Variants in ARHGEF2 observed in about 807,000 individuals in gnomAD.
The protein encoded by ARHGEF2 is rho guanine nucleotide exchange factor 2.
Under a neutral mutation model 121.0 loss-of-function variants are expected in ARHGEF2, and 22 were observed. That is an observed-to-expected ratio of 0.18 (90% CI 0.13 to 0.26). ARHGEF2 has a LOEUF of 0.26. Ranked by LOEUF, ARHGEF2 falls within the 10% of genes least tolerant of loss-of-function variation. The pLI, the probability that ARHGEF2 is intolerant of heterozygous loss-of-function variation, is 1.00. For synonymous variants in ARHGEF2, 487 were observed against 530.0 expected, an observed-to-expected ratio of 0.92 and a Z score of 1.11; for missense variants, 907 against 1,336.0, an observed-to-expected ratio of 0.68 and a Z score of 5.01.
chr1:155,950,799 A>G lies in ARHGEF2; in HGVS notation c.2703+30T>C, dbSNP rs770106319. 1 of 1,512,352 alleles carries G rather than the reference A, an allele frequency of 6.6e-7. No homozygotes were observed. Among genetic ancestry groups the G allele is most frequent in the Admixed American group, 2.3e-5 (1 of 44,220 alleles). The allele number at this position is 1,512,352 out of a possible 1,614,324, so 93.7% of individuals were successfully genotyped here. A position where few individuals can be genotyped will look rare whatever the true frequency, so the allele number is the denominator to read the frequency against. On this transcript the variant is annotated intron_variant, in intron 20 of 21. Coordinates refer to ENST00000361247, the MANE Select transcript of ARHGEF2 (RefSeq NM_001162383.2). This position sits in a 1 kb window ranked among gnomAD's most constrained non-coding sequence, Gnocchi z 5.2. ...CTCCATGGACCCTTATGTCCACCCCAGGTCCATTCACCACTGCAGGCCACC... is the reference window on the plus strand; with the variant it reads ...CTCCATGGACCCTTATGTCCACCCCGGGTCCATTCACCACTGCAGGCCACC...
rs1678253000 is a variant in ARHGEF2, at chr1:155,962,864, C to A, written c.975+69G>T. On this transcript the variant is annotated intron_variant, in intron 8 of 21. Coordinates refer to ENST00000361247, the MANE Select transcript of ARHGEF2 (RefSeq NM_001162383.2). This position sits in a 1 kb window ranked among gnomAD's most constrained non-coding sequence, Gnocchi z 5.8. The stretch of plus-strand genomic sequence containing the variant: ...TCCCCTCCAACCCCTAGAATTTGGA[C>A]CCAAGAAATGCCCAACCCAGTCACA... 26 of 1,605,056 alleles carry A rather than the reference C, an allele frequency of 1.6e-5. No homozygotes were observed. The highest frequency in any genetic ancestry group is 2.7e-5 in the African/African-American group (2 of 74,736).
At position 155,951,946 on chromosome 1, in the gene ARHGEF2, G is replaced by A; in HGVS notation, c.2145C>T (p.Cys715=). 2 of 1,614,028 alleles carry A rather than the reference G, an allele frequency of 1.2e-6. No homozygotes were observed. Among genetic ancestry groups the A allele is most frequent in the East Asian group, 2.2e-5 (1 of 44,876 alleles). ...TCTGGCTAGAGTCTGAGTCAGCTCTGCAGAGTTCAATGGAGCCATTGAAGG... is the reference window on the plus strand; with the variant it reads ...TCTGGCTAGAGTCTGAGTCAGCTCTACAGAGTTCAATGGAGCCATTGAAGG... ...ARTFNGSIEL[C]RADSDSSQRD... Residue 715 remains cysteine, a synonymous_variant, in exon 17 of 22, where the codon TGC becomes TGT. Transcript: ENST00000361247. The surrounding 1 kb of genome is among the most constrained non-coding windows in gnomAD (Gnocchi z 5.1).
At chr1:155,953,826 G>GT (rs1017027630) in intron 14 of ARHGEF2, among the ~76,000 whole-genome samples, 4 of 152,090 alleles carry the variant, frequency 2.6e-5, no homozygotes, top group African/African-American at 9.6e-5. Flanking sequence ...CTTGCTAGGT[G>GT]TGATACAGGT....
rs1678093890 is a variant in ARHGEF2 at position 155,962,191 on chromosome 1, T to A, written c.1133A>T (p.His378Leu). The change falls in exon 10 of 22, where the codon CAC becomes CTC. Residue 378 changes from histidine to leucine, a missense_variant. His to Leu is a moderately conservative substitution (Grantham distance 99, BLOSUM62 -3). This residue lies in a region of ARHGEF2 where 475 missense variants were observed against 776.5 expected (regional missense o/e 0.61). Coordinates refer to ENST00000361247, the MANE Select transcript of ARHGEF2 (RefSeq NM_001162383.2). This position sits in a 1 kb window ranked among gnomAD's most constrained non-coding sequence, Gnocchi z 5.8. The stretch of plus-strand genomic sequence containing the variant: ...CAGCAGGATGCACTCCTGTACCCCG[T>A]GCCGCTTGAGCACGGCGGGGCGGGT... Reference protein sequence around the residue: ...KVTRPAVLKRHGVQECILLVT... With the variant: ...KVTRPAVLKRLGVQECILLVT... 1 of 1,614,140 alleles carries A rather than the reference T, an allele frequency of 6.2e-7. No homozygotes were observed. Among genetic ancestry groups the A allele is most frequent in the Admixed American group, 1.7e-5 (1 of 60,020 alleles).
At chr1:155,976,583 G>A (rs563843305) in intron 1 of ARHGEF2, among the ~76,000 whole-genome samples, 1 of 149,776 alleles carries the variant, frequency 6.7e-6, no homozygotes, top group African/African-American at 2.5e-5. Context: ...TAATGGAAAA[G>A]GGATCCCAGT....
intron 1 of ARHGEF2, chr1:155,972,239 AC>A (rs1339370481): frequency 2.1e-6 from 1 of 465,846 alleles, no homozygotes; most frequent in Non-Finnish European, 4.4e-6. Flanking sequence ...TGCCTCCTCC[AC>A]CTCCCAACAC....
Position 155,961,927 on chromosome 1 carries a change from C to T in ARHGEF2, c.1220-18G>A. 6.2e-7 allele frequency: 1 copy of T among 1,613,148 alleles called. No individual in the cohort carries two copies. Among genetic ancestry groups the T allele is most frequent in the East Asian group, 2.2e-5 (1 of 44,880 alleles). ...CTCGATCCCTGGCACCGGGGGTTGG[C>T]ATGGGGAACGGCTCAACCAGTTTCA... On this transcript the variant is annotated intron_variant, in intron 10 of 21. Coordinates refer to ENST00000361247, the MANE Select transcript of ARHGEF2 (RefSeq NM_001162383.2). The surrounding 1 kb of genome is among the most constrained non-coding windows in gnomAD (Gnocchi z 4.7).
upstream of ARHGEF2, chr1:155,979,028 TGACCCCTTTTAC>T (rs1681864559): frequency 1.5e-5 from 15 of 985,614 alleles, no homozygotes; most frequent in South Asian, 4.7e-4. Flanking sequence ...CTGAGCAGAC[TGACCCCTTTTAC>T]GATTGGGGGC....
In ARHGEF2 at chr1:155,950,837, G is replaced by A; in HGVS notation, c.2695C>T (p.Pro899Ser). ...AGDALYLSFN[P>S]PQPSRGTDRL... ...ACTGCAGGCCACCTTACCTGTGGGG[G>A]GTTGAAACTCAAGTACAGGGCATCG... The change falls in exon 20 of 22, where the codon CCC becomes TCC. Residue 899 changes from proline (P) to serine (S), a missense_variant. Pro to Ser is a moderately conservative substitution (Grantham distance 74, BLOSUM62 -1). This residue lies in a region of ARHGEF2 where 432 missense variants were observed against 559.5 expected (regional missense o/e 0.77). Coordinates refer to ENST00000361247, the MANE Select transcript of ARHGEF2 (RefSeq NM_001162383.2). The surrounding 1 kb of genome is among the most constrained non-coding windows in gnomAD (Gnocchi z 5.2). The A allele has an allele frequency of 6.6e-7, 1 of 1,524,074 alleles. No homozygotes were observed. Among genetic ancestry groups the A allele is most frequent in the Non-Finnish European group, 8.8e-7 (1 of 1,135,998 alleles). 94.4% of individuals were successfully genotyped at this position (1,524,074 alleles called of 1,614,324 possible). A position where few individuals can be genotyped will look rare whatever the true frequency, so the allele number is the denominator to read the frequency against.
In ARHGEF2 at chr1:155,962,394, G is replaced by A; in HGVS notation, c.1102-172C>T. ...GGTTTGTTGTGAGGACCAACTGAAG[G>A]AGCAAAAAGTACTTGGGAAACTACC... is the stretch of plus-strand genomic sequence containing the variant. On this transcript the variant is annotated intron_variant, in intron 9 of 21. Transcript: ENST00000361247. The surrounding 1 kb of genome is among the most constrained non-coding windows in gnomAD (Gnocchi z 5.8). 3 of 1,010,644 alleles carry A rather than the reference G, an allele frequency of 3.0e-6. No homozygotes were observed. The highest frequency in any genetic ancestry group is 2.5e-5 in the Admixed American group (1 of 40,360). 62.6% of individuals were successfully genotyped at this position (1,010,644 alleles called of 1,614,324 possible).
upstream of ARHGEF2, chr1:155,978,773 A>G (rs529583535): frequency 2.3e-4 from 203 of 880,506 alleles, 2 homozygotes; most frequent in East Asian, 0.012. The surrounding 1 kb of genome is among the most constrained non-coding windows in gnomAD (Gnocchi z 4.1). Context: ...CTCTAGCCCC[A>G]GAGACCCGCC....
At position 155,961,784 on chromosome 1, in the gene ARHGEF2, T is replaced by G. The variant is rs1296189492; in HGVS notation, c.1345A>C (p.Met449Leu). The G allele has an allele frequency of 6.2e-7, 1 of 1,614,176 alleles. No homozygotes were observed. The highest frequency in any genetic ancestry group is 8.5e-7 in the Non-Finnish European group (1 of 1,180,018). Residue 449 changes from methionine (M) to leucine (L), a missense_variant, in exon 11 of 22, where the codon ATG becomes CTG. This residue lies in a region of ARHGEF2 where 475 missense variants were observed against 776.5 expected (regional missense o/e 0.61). Transcript: ENST00000361247. The surrounding 1 kb of genome is among the most constrained non-coding windows in gnomAD (Gnocchi z 4.7). ...ACTGGGGTTTGGGCCCGAGGGTCCATGCGGTTGTAGATCTCCTGCAGACGG... is the reference window on the plus strand; with the variant it reads ...ACTGGGGTTTGGGCCCGAGGGTCCAGGCGGTTGTAGATCTCCTGCAGACGG... ...GARLQEIYNR[M>L]DPRAQTPVPG...
chr1:155,969,715 G>A (rs945082925), intron 1 of ARHGEF2: 12 of 1,004,002 alleles, frequency 1.2e-5, no homozygotes, highest in Non-Finnish European at 1.3e-5. Context: ...GAGGGTGCCA[G>A]CTCACCAGCG....
intron 7 of ARHGEF2, among the ~76,000 whole-genome samples, chr1:155,964,527 C>T (rs1289240293): frequency 6.6e-6 from 1 of 151,970 alleles, no homozygotes; most frequent in Non-Finnish European, 1.5e-5. Flanking sequence ...TGGAGACCAA[C>T]AGCATCAAGA....
Position 155,951,143 on chromosome 1 carries a change from G to C in ARHGEF2, c.2389C>G (p.Pro797Ala). The change falls in exon 20 of 22, where the codon CCT (proline) becomes GCT (alanine). Residue 797 changes from proline to alanine, a missense_variant. Transcript: ENST00000361247. The surrounding 1 kb of genome is among the most constrained non-coding windows in gnomAD (Gnocchi z 5.1). ...AGRAGAAPVAPEKQATELALL... is the reference protein window; with the variant it reads ...AGRAGAAPVAAEKQATELALL... ...GCCAGTTCCGTGGCCTGCTTTTCAG[G>C]GGCCACAGGGGCAGCCCCAGCCCTG... The C allele has an allele frequency of 5.0e-6, 8 of 1,604,254 alleles. No homozygotes were observed. Among genetic ancestry groups the C allele is most frequent in the Non-Finnish European group, 6.8e-6 (8 of 1,177,046 alleles).
chr1:155,963,883 G>A (rs1678503283), intron 7 of ARHGEF2, among the ~76,000 whole-genome samples: 1 of 149,828 alleles, frequency 6.7e-6, no homozygotes, highest in African/African-American at 2.4e-5. Context: ...GGTGGCTCAC[G>A]CCTATAATCC....
intron 1 of ARHGEF2, among the ~76,000 whole-genome samples, chr1:155,973,682 G>T (rs1317112079): frequency 6.6e-6 from 1 of 151,732 alleles, no homozygotes; most frequent in African/African-American, 2.4e-5. Flanking sequence ...GGAGGTGGAG[G>T]TTGCAGTGAG....
At chr1:155,971,884 A>T (rs1225218647) in intron 1 of ARHGEF2, among the ~76,000 whole-genome samples, 3 of 143,810 alleles carry the variant, frequency 2.1e-5, no homozygotes, top group Non-Finnish European at 4.5e-5. Flanking sequence ...CCATCTCTAT[A>T]AAAAAAAAAA....
rs1299931777 is a variant in ARHGEF2, at chr1:155,947,963, C to T, written c.2940G>A (p.Glu980=). 1.3e-6 allele frequency: 2 copies of T among 1,551,042 alleles called. No homozygotes were observed. Among genetic ancestry groups the T allele is most frequent in the East Asian group, 2.4e-5 (1 of 41,060 alleles). The change falls in exon 22 of 22, where the codon GAG becomes GAA. Residue 980 remains glutamate, a synonymous_variant. Transcript: ENST00000361247. ...IPEETESRDG[E]AVASES ...CCCCTTAGCTCTCGGAGGCTACAGC[C>T]TCCCCGTCGCGGCTCTCCGTCTCCT...
Sources: allele counts gnomAD v4.1 joint callset (sites outside exome capture counted in the v4.1 genomes callset), GRCh38; gene constraint gnomAD v4.1.1; regional missense constraint gnomAD v4.1.1; non-coding constraint Gnocchi (gnomAD v3.1); transcripts MANE v1.5; gene names NCBI Gene and HGNC (gene_info 2026-07-23, HGNC 2026-07-21).